The following SPMAP2 variants were observed in gnomAD, a reference collection of about 807,000 sequenced individuals.
SPMAP2 encodes Theg homolog.
At chr19:366,438 G>A in the SPMAP2 span, among the ~76,000 whole-genome samples, 1 of 152,174 alleles carries the variant, frequency 6.6e-6, no homozygotes, top group Non-Finnish European at 1.5e-5. Context: ...GTGTAAGGCA[G>A]TGCTGCATCA....
At chr19:366,192 G>A in the SPMAP2 span, among the ~76,000 whole-genome samples, 41 of 151,734 alleles carry the variant, frequency 2.7e-4, no homozygotes, top group Non-Finnish European at 5.6e-4. Context: ...TCAACCCTCC[G>A]TCATTCTCTC....
the SPMAP2 span, chr19:375,530 T>C: frequency 9.8e-7 from 1 of 1,025,424 alleles, no homozygotes; most frequent in Non-Finnish European, 1.4e-6. Context: ...GCCGGGCCCC[T>C]CGGGAGCAGC....
the SPMAP2 span, chr19:371,249 CG>C: frequency 6.6e-7 from 1 of 1,510,184 alleles, no homozygotes; most frequent in East Asian, 2.6e-5. Flanking sequence ...ATCTTCGGGG[CG>C]GCCAGTTCCT....
chr19:367,514 G>C, the SPMAP2 span, among the ~76,000 whole-genome samples: 1 of 152,142 alleles, frequency 6.6e-6, no homozygotes, highest in Admixed American at 6.6e-5. Flanking sequence ...GTTGGCAAAT[G>C]TAAATTAAAA....
chr19:372,681 C>T, the SPMAP2 span: 3 of 1,614,056 alleles, frequency 1.9e-6, no homozygotes, highest in Non-Finnish European at 2.5e-6. Context: ...GAGACAGTTC[C>T]TCCACGCGGC....
the SPMAP2 span, among the ~76,000 whole-genome samples, chr19:367,579 T>C: frequency 6.6e-6 from 1 of 152,198 alleles, no homozygotes; most frequent in Non-Finnish European, 1.5e-5. Flanking sequence ...AAGTCTGACA[T>C]GATCAAGCCC....
the SPMAP2 span, among the ~76,000 whole-genome samples, chr19:375,231 G>A: frequency 4.2e-4 from 64 of 152,254 alleles, no homozygotes; most frequent in East Asian, 7.7e-4. Context: ...TGTTCCTCCC[G>A]ACCATTTAAA....
chr19:371,369 G>GTGTGTGTGTGTGT, the SPMAP2 span: 3 of 801,684 alleles, frequency 3.7e-6, no homozygotes, highest in African/African-American at 6.2e-5. Context: ...CGGGGGTGGG[G>GTGTGTGTGTGTGT]GTGTGTGTGT....
the SPMAP2 span, chr19:362,568 G>A: frequency 1.8e-6 from 1 of 566,694 alleles, no homozygotes; most frequent in Non-Finnish European, 3.0e-6. Flanking sequence ...AGGAGTTAGA[G>A]ATCAGCCTGG....
chr19:372,675 C>T, the SPMAP2 span: 2 of 1,614,088 alleles, frequency 1.2e-6, no homozygotes, highest in Non-Finnish European at 1.7e-6. Flanking sequence ...TGGGCCGAGA[C>T]AGTTCCTCCA....
the SPMAP2 span, chr19:373,986 C>T: frequency 4.3e-6 from 7 of 1,613,706 alleles, no homozygotes; most frequent in South Asian, 7.7e-5. Context: ...GAGATCCAGG[C>T]ATACCCCTTA....
chr19:367,288 G>GCAACA, the SPMAP2 span: 7 of 1,461,226 alleles, frequency 4.8e-6, no homozygotes, highest in Non-Finnish European at 6.4e-6. Context: ...GGGCCCTGGA[G>GCAACA]CTGAAGGACC....
the SPMAP2 span, chr19:372,846 A>C: frequency 1.4e-6 from 1 of 733,186 alleles, no homozygotes; most frequent in East Asian, 2.7e-5. Context: ...ACTGGGGGCC[A>C]GACACCCTGC....
chr19:375,951 C>G, the SPMAP2 span: 1 of 1,440,396 alleles, frequency 6.9e-7, no homozygotes, highest in Non-Finnish European at 9.1e-7. Flanking sequence ...CCCGAGTGAC[C>G]TTCGCCTGCT....
At chr19:375,002 G>A in the SPMAP2 span, among the ~76,000 whole-genome samples, 2 of 152,336 alleles carry the variant, frequency 1.3e-5, no homozygotes, top group African/African-American at 2.4e-5. Context: ...TGAGGGCAGG[G>A]CAGCCACTTT....
chr19:373,979 A>T, the SPMAP2 span: 15 of 1,613,484 alleles, frequency 9.3e-6, no homozygotes, highest in Non-Finnish European at 1.3e-5. Context: ...ACATGGGGAG[A>T]TCCAGGCATA....
chr19:364,445 A>C, the SPMAP2 span, among the ~76,000 whole-genome samples: 13 of 151,564 alleles, frequency 8.6e-5, no homozygotes, highest in Non-Finnish European at 1.3e-4. Context: ...TTTTGGAGGC[A>C]GAGGCAGGAG....
the SPMAP2 span, chr19:361,870 G>T: frequency 7.2e-5 from 10 of 137,988 alleles, no homozygotes; most frequent in East Asian, 2.0e-4. Context: ...CTGTCGTTCC[G>T]ACTCCGACGG....
chr19:367,888 C>T, the SPMAP2 span, among the ~76,000 whole-genome samples: 1 of 152,118 alleles, frequency 6.6e-6, no homozygotes, highest in Non-Finnish European at 1.5e-5. Flanking sequence ...CATAAATTGG[C>T]ACAAATTGCT....
Sources: allele counts gnomAD v4.1 joint callset (sites outside exome capture counted in the v4.1 genomes callset), GRCh38; gene constraint gnomAD v4.1.1; transcripts MANE v1.5; gene names NCBI Gene and HGNC (gene_info 2026-07-23, HGNC 2026-07-21).